Variants in PCDHA11 observed in about 807,000 individuals in gnomAD.
PCDHA11 encodes the protein protocadherin alpha-11.
PCDHA11 carries 61 observed loss-of-function variants against 70.3 expected under a neutral mutation model. The ratio of observed to expected loss-of-function variants is 0.87; its 90% CI spans 0.71 to 1.07. The LOEUF (loss-of-function observed/expected upper bound fraction) is 1.07. Among genes scored for constraint, PCDHA11 ranks in the 50% least tolerant of loss-of-function variants. The probability of loss-of-function intolerance (pLI) is 0.00; values close to 1 mark genes in which losing one functional copy is unlikely to be tolerated. For missense variants in PCDHA11, 1,324 were observed against 1,237.5 expected, an observed-to-expected ratio of 1.07 and a Z score of -1.05; for synonymous variants, 633 against 555.1, an observed-to-expected ratio of 1.14 and a Z score of -1.97.
chr5:140,982,772 A>T (rs144366377), intron 3 of PCDHA11, among the ~76,000 whole-genome samples: 67 of 152,052 alleles, frequency 4.4e-4, no homozygotes, highest in African/African-American at 1.5e-3. Context: ...TAACAAGGAA[A>T]GTGTGTGTGC....
chr5:140,872,923 C>T (rs2053985502), intron 1 of PCDHA11, among the ~76,000 whole-genome samples: 1 of 152,102 alleles, frequency 6.6e-6, no homozygotes, highest in Non-Finnish European at 1.5e-5. Flanking sequence ...TGCCTTATCT[C>T]TAATGTTTTT....
Position 140,882,752 on chromosome 5 carries a change from A to G in PCDHA11, c.2391+11258A>G, listed in dbSNP as rs1457424583. 4 of 1,614,130 alleles carry G rather than the reference A, an allele frequency of 2.5e-6. No individual in the cohort carries two copies. In the East Asian group the frequency reaches 8.9e-5, roughly 36 times the overall value. On this transcript the variant is annotated intron_variant, in intron 1 of 3. Coordinates refer to ENST00000398640, the MANE Select transcript of PCDHA11 (RefSeq NM_018902.5). Reference sequence around the variant, plus strand: ...ACTAGATGGCGCATCCGATGCAGATATTGGAGTAAACTCGGCATTGACCTA... The same window carrying G: ...ACTAGATGGCGCATCCGATGCAGATGTTGGAGTAAACTCGGCATTGACCTA...
At chr5:140,887,238 C>T (rs1191260946) in intron 1 of PCDHA11, among the ~76,000 whole-genome samples, 11 of 151,856 alleles carry the variant, frequency 7.2e-5, no homozygotes, top group East Asian at 3.9e-4. Flanking sequence ...CTGAGACTAC[C>T]GGCGCCCGCC....
intron 1 of PCDHA11, among the ~76,000 whole-genome samples, chr5:140,906,762 G>GAGAC (rs1413130419): frequency 6.6e-6 from 1 of 152,218 alleles, no homozygotes; most frequent in Non-Finnish European, 1.5e-5. Context: ...GTAATACTAA[G>GAGAC]AGACACCCTA....
rs1349826822 is a variant in PCDHA11, at chr5:140,911,368, C to A, written c.2391+39874C>A. Reference sequence around the variant, plus strand: ...CCTCATTTCAACAGTAGACACCTGGCAAGGCTGTGCATGCACCTTTCATTG... The same window carrying A: ...CCTCATTTCAACAGTAGACACCTGGAAAGGCTGTGCATGCACCTTTCATTG... On this transcript the variant is annotated intron_variant, in intron 1 of 3. Coordinates refer to ENST00000398640, the MANE Select transcript of PCDHA11 (RefSeq NM_018902.5). 3.3e-5 allele frequency among the ~76,000 whole-genome samples: 5 copies of A among 152,144 alleles called. No homozygotes were observed. The East Asian group carries it at 7.7e-4, about 23-fold the overall frequency.
chr5:140,941,996 A>G (rs951664999), intron 1 of PCDHA11, among the ~76,000 whole-genome samples: 1 of 152,220 alleles, frequency 6.6e-6, no homozygotes, highest in Non-Finnish European at 1.5e-5. Flanking sequence ...AGGGATTCAT[A>G]TCTCTTATTA....
chr5:140,949,053 C>T (rs2094339991), intron 1 of PCDHA11, among the ~76,000 whole-genome samples: 1 of 151,694 alleles, frequency 6.6e-6, no homozygotes, highest in Admixed American at 6.6e-5. Flanking sequence ...TTCTAATTTC[C>T]ATTATGATTT....
chr5:140,938,793 A>G lies in PCDHA11; in HGVS notation c.2392-40156A>G, dbSNP rs543840345. 2.6e-5 allele frequency among the ~76,000 whole-genome samples: 4 copies of G among 152,268 alleles called. No individual in the cohort carries two copies. The East Asian group carries it at 7.7e-4, about 29-fold the overall frequency. On this transcript the variant is annotated intron_variant, in intron 1 of 3. Coordinates refer to ENST00000398640, the MANE Select transcript of PCDHA11 (RefSeq NM_018902.5). ...AGACTTAGTACCTGAATGATGAAAT[A>G]ATCGGTACCACAAACCCCTGTGACA...
intron 1 of PCDHA11, among the ~76,000 whole-genome samples, chr5:140,910,422 C>T (rs1184807086): frequency 6.6e-6 from 1 of 152,148 alleles, no homozygotes; most frequent in Non-Finnish European, 1.5e-5. Flanking sequence ...TCCAATTATT[C>T]CCATTGCATT....
At chr5:140,902,066 T>C (rs2069077660) in intron 1 of PCDHA11, among the ~76,000 whole-genome samples, 1 of 152,202 alleles carries the variant, frequency 6.6e-6, no homozygotes, top group Admixed American at 6.5e-5. Flanking sequence ...GCAACTTTAC[T>C]GAATTTATTG....
intron 1 of PCDHA11, among the ~76,000 whole-genome samples, chr5:140,913,386 T>C (rs1317540233): frequency 6.6e-6 from 1 of 152,228 alleles, no homozygotes; most frequent in Non-Finnish European, 1.5e-5. Context: ...TGGCTCATCA[T>C]AGCCACTAAT....
chr5:140,926,823 G>A (rs1454618329), intron 1 of PCDHA11: 2 of 1,496,880 alleles, frequency 1.3e-6, no homozygotes, highest in Non-Finnish European at 1.8e-6. Flanking sequence ...TGCTCTCCAG[G>A]AGTCCGGAGC....
intron 1 of PCDHA11, among the ~76,000 whole-genome samples, chr5:140,908,325 T>C (rs189387427): frequency 6.6e-6 from 1 of 152,172 alleles, no homozygotes; most frequent in African/African-American, 2.4e-5. Flanking sequence ...GTGGAGACCA[T>C]GGGAATTTGA....
intron 1 of PCDHA11, among the ~76,000 whole-genome samples, chr5:140,874,903 C>T (rs543752012): frequency 1.3e-5 from 2 of 152,172 alleles, no homozygotes; most frequent in South Asian, 4.1e-4. Context: ...TAAAATCTTA[C>T]GATGGAGTGC....
rs781892034 is a variant in PCDHA11, at chr5:140,968,314, G to A, written c.2392-10635G>A. ...TTCTGGAGAGGGAGATTCAAGGGCT[G>A]CCAGTCACCTCCTATGTCTCCATTA... On this transcript the variant is annotated intron_variant, in intron 1 of 3. Transcript: ENST00000398640. The A allele has an allele frequency of 2.5e-6, 4 of 1,613,960 alleles. No individual in the cohort carries two copies. The South Asian group carries it at 4.4e-5, about 18-fold the overall frequency.
At chr5:140,967,958 CG>C in intron 1 of PCDHA11, 1 of 1,614,182 alleles carries the variant, frequency 6.2e-7, no homozygotes, top group Non-Finnish European at 8.5e-7. Flanking sequence ...AGGCCCCAAC[CG>C]GAAAGTGAGC....
At position 140,915,626 on chromosome 5, in the gene PCDHA11, G is replaced by GTCTCTCTCTCTC. The variant is rs57920489; in HGVS notation, c.2391+44151_2391+44162dup. 2.6e-4 allele frequency among the ~76,000 whole-genome samples: 38 copies of GTCTCTCTCTCTC among 146,532 alleles called. No individual in the cohort carries two copies. In the Middle Eastern group the frequency reaches 0.011, roughly 41 times the overall value. Reference sequence around the variant, plus strand: ...ACTTTCTGTCAAACAGTCTCTTTCTGTCTCTCTCTCTCTCTCTCTCTCTCT... The same window carrying GTCTCTCTCTCTC: ...ACTTTCTGTCAAACAGTCTCTTTCTGTCTCTCTCTCTCTCTCTCTCTCTCTCTCTCTCTCTCT... On this transcript the variant is annotated intron_variant, in intron 1 of 3. Coordinates refer to ENST00000398640, the MANE Select transcript of PCDHA11 (RefSeq NM_018902.5).
At chr5:140,876,724 G>C (rs140611870) in intron 1 of PCDHA11, 4 of 1,614,128 alleles carry the variant, frequency 2.5e-6, no homozygotes, top group Non-Finnish European at 2.5e-6. Context: ...CCGCGAGAGC[G>C]TGTCGGCCTA....
At chr5:140,969,908 T>C (rs1586401643) in intron 1 of PCDHA11, among the ~76,000 whole-genome samples, 4 of 152,184 alleles carry the variant, frequency 2.6e-5, no homozygotes, top group Non-Finnish European at 4.4e-5. Context: ...ATGTCACAAG[T>C]GATAAAGCTG....
Sources: allele counts gnomAD v4.1 joint callset (sites outside exome capture counted in the v4.1 genomes callset), GRCh38; gene constraint gnomAD v4.1.1; transcripts MANE v1.5; gene names NCBI Gene and HGNC (gene_info 2026-07-23, HGNC 2026-07-21).